SRRM4: variants seen among roughly 807,000 people sequenced by gnomAD.
SRRM4 encodes serine/arginine repetitive matrix protein 4.
In SRRM4, 33 loss-of-function variants were observed where a neutral mutation model predicts 68.9. That is an observed-to-expected ratio of 0.48 (90% CI 0.36 to 0.64). SRRM4 has a LOEUF of 0.64. Among genes scored for constraint, SRRM4 ranks in the 30% least tolerant of loss-of-function variants. SRRM4 has a pLI of 0.00. For missense variants in SRRM4, 817 were observed against 827.1 expected, an observed-to-expected ratio of 0.99 and a Z score of 0.15; for synonymous variants, 318 against 318.8, an observed-to-expected ratio of 1.00 and a Z score of 0.03.
chr12:119,139,302 T>G (rs915968315), intron 8 of SRRM4, among the ~76,000 whole-genome samples: 4 of 152,198 alleles, frequency 2.6e-5, no homozygotes, highest in Admixed American at 6.5e-5. Flanking sequence ...ACAACTCTAA[T>G]GTCTCCTCTG....
intron 1 of SRRM4, among the ~76,000 whole-genome samples, chr12:119,030,777 A>T (rs962038448): frequency 6.6e-6 from 1 of 152,182 alleles, no homozygotes; most frequent in Non-Finnish European, 1.5e-5. Flanking sequence ...ATACGAATGC[A>T]TTAGGTTGAA....
At chr12:119,058,453 G>A (rs1177017066) in intron 1 of SRRM4, among the ~76,000 whole-genome samples, 2 of 152,140 alleles carry the variant, frequency 1.3e-5, no homozygotes, top group African/African-American at 4.8e-5. Flanking sequence ...GTAGACTGAG[G>A]CTTGAAGAGG....
chr12:119,150,243 G>C (rs906606162), intron 9 of SRRM4, among the ~76,000 whole-genome samples: 1 of 152,166 alleles, frequency 6.6e-6, no homozygotes, highest in African/African-American at 2.4e-5. Context: ...AGGCCAAGGC[G>C]GGTGGATCAT....
chr12:119,144,336 G>A (rs1240374960), intron 8 of SRRM4, among the ~76,000 whole-genome samples: 1 of 152,166 alleles, frequency 6.6e-6, no homozygotes, highest in African/African-American at 2.4e-5. Context: ...GGTTGGCTAG[G>A]TTAGGTCCCC....
At chr12:119,002,279 T>G (rs1291605471) in intron 1 of SRRM4, among the ~76,000 whole-genome samples, 1 of 152,180 alleles carries the variant, frequency 6.6e-6, no homozygotes, top group Non-Finnish European at 1.5e-5. Flanking sequence ...AGTTACCTGC[T>G]CTGACGGTTT....
At position 119,100,253 on chromosome 12, in the gene SRRM4, G is replaced by A. The variant is rs1954070160; in HGVS notation, c.132-1983G>A. 2.0e-5 allele frequency among the ~76,000 whole-genome samples: 3 copies of A among 149,756 alleles called. No homozygotes were observed. In the South Asian group the frequency reaches 6.3e-4, roughly 32 times the overall value. On this transcript the variant is annotated intron_variant, in intron 1 of 12. Coordinates refer to ENST00000267260, the MANE Select transcript of SRRM4 (RefSeq NM_194286.4). ...TACCTGTAATCCCAGCACTTTGGGA[G>A]GCCAAGTCAGGAGGATTGCTTGAGC...
chr12:119,050,881 T>A (rs994926667), intron 1 of SRRM4, among the ~76,000 whole-genome samples: 7 of 152,084 alleles, frequency 4.6e-5, no homozygotes, highest in Non-Finnish European at 7.3e-5. Context: ...ATTATTAAAA[T>A]TAAAAATTAA....
At chr12:119,125,570 G>A in intron 7 of SRRM4, 91 bp downstream of exon 7, 1 of 1,127,280 alleles carries the variant, frequency 8.9e-7, no homozygotes, top group Non-Finnish European at 1.3e-6. Flanking sequence ...CACACTTCCA[G>A]CACAGGGTTT....
intron 1 of SRRM4, among the ~76,000 whole-genome samples, chr12:119,009,087 G>A (rs542385848): frequency 6.6e-6 from 1 of 152,116 alleles, no homozygotes; most frequent in African/African-American, 2.4e-5. Context: ...ACACACACTC[G>A]CTCGCACACG....
At chr12:119,078,560 C>T (rs1351330681) in intron 1 of SRRM4, among the ~76,000 whole-genome samples, 1 of 152,156 alleles carries the variant, frequency 6.6e-6, no homozygotes, top group Non-Finnish European at 1.5e-5. Flanking sequence ...TTGCTGATGC[C>T]TCATCTTGCA....
chr12:119,034,235 G>T (rs1165589048), intron 1 of SRRM4, among the ~76,000 whole-genome samples: 1 of 152,168 alleles, frequency 6.6e-6, no homozygotes, highest in Non-Finnish European at 1.5e-5. Flanking sequence ...AGAGGACAGG[G>T]TTTTATTCCC....
chr12:119,027,849 G>C (rs1311167378), intron 1 of SRRM4, among the ~76,000 whole-genome samples: 1 of 152,194 alleles, frequency 6.6e-6, no homozygotes, highest in African/African-American at 2.4e-5. Context: ...AGCAGTCTGA[G>C]TCTGACTTCG....
chr12:119,135,043 G>A lies in SRRM4; in HGVS notation c.771+4209G>A, dbSNP rs12579571. Among the ~76,000 whole-genome samples, 1,874 of 152,234 alleles carry A rather than the reference G, an allele frequency of 0.012. 84 individuals are homozygous for A. The East Asian group carries it at 0.13, about 11-fold the overall frequency. On this transcript the variant is annotated intron_variant, in intron 8 of 12. Transcript: ENST00000267260. ...TAGGTGCAATTATTATCACCATTTC[G>A]AAGATGGGAAAATAGGCCCTGTGAG... is the stretch of plus-strand genomic sequence containing the variant.
chr12:119,088,672 C>A (rs1300954426), intron 1 of SRRM4, among the ~76,000 whole-genome samples: 1 of 71,324 alleles, frequency 1.4e-5, no homozygotes, highest in Non-Finnish European at 3.0e-5. Flanking sequence ...TTTTGGGGGG[C>A]GTGGGGGTGG....
intron 1 of SRRM4, among the ~76,000 whole-genome samples, chr12:118,997,348 CCAGGGCTGCGCAA>C (rs1359961186): frequency 6.6e-6 from 1 of 152,158 alleles, no homozygotes; most frequent in African/African-American, 2.4e-5. Context: ...TTGTATTTAC[CCAGGGCTGCGCAA>C]CTTGGCAGAG....
At chr12:119,020,670 T>C (rs1285237567) in intron 1 of SRRM4, among the ~76,000 whole-genome samples, 2 of 152,170 alleles carry the variant, frequency 1.3e-5, no homozygotes, top group Non-Finnish European at 2.9e-5. Flanking sequence ...CATTCACGTG[T>C]GTGTTAAAGA....
chr12:119,107,835 G>C (rs1954116664), intron 2 of SRRM4, among the ~76,000 whole-genome samples: 1 of 152,094 alleles, frequency 6.6e-6, no homozygotes, highest in Admixed American at 6.5e-5. Flanking sequence ...TCTGATCTTA[G>C]TTATTTCTTG....
chr12:119,100,915 A>G (rs979111066), intron 1 of SRRM4, among the ~76,000 whole-genome samples: 4 of 152,200 alleles, frequency 2.6e-5, no homozygotes, highest in Non-Finnish European at 4.4e-5. Context: ...GAGAAGCCCT[A>G]ATTAGAATCT....
chr12:119,033,083 C>T (rs1246965051), intron 1 of SRRM4, among the ~76,000 whole-genome samples: 2 of 151,890 alleles, frequency 1.3e-5, no homozygotes, highest in Non-Finnish European at 2.9e-5. Flanking sequence ...TATATCCATC[C>T]CATTAGCTTT....
Sources: allele counts gnomAD v4.1 joint callset (sites outside exome capture counted in the v4.1 genomes callset), GRCh38; gene constraint gnomAD v4.1.1; transcripts MANE v1.5; gene names NCBI Gene and HGNC (gene_info 2026-07-23, HGNC 2026-07-21).